The following AP3B2 variants were observed in gnomAD, a reference collection of about 807,000 sequenced individuals.
AP3B2 encodes adaptor related protein complex 3 subunit beta 2.
A neutral mutation model predicts 126.9 loss-of-function variants in AP3B2; 50 were observed. The observed-to-expected ratio is 0.39, with a 90% CI of 0.31 to 0.50. The LOEUF is 0.50. Among genes scored for constraint, AP3B2 ranks in the 20% least tolerant of loss-of-function variants. The pLI is 0.79. For missense variants in AP3B2, 1,177 were observed against 1,426.4 expected (o/e 0.83, Z 2.82); for synonymous variants, 541 against 565.0 (o/e 0.96, Z 0.60).
At chr15:82,688,323 G>C (rs2048465956) in intron 4 of AP3B2, 1 of 657,268 alleles carries the variant, frequency 1.5e-6, no homozygotes, top group Non-Finnish European at 2.8e-6. Context: ...CAAAAGGTGA[G>C]AATGGTGTGG....
Position 82,659,751 on chromosome 15 carries a change from G to A in AP3B2, c.3156-41C>T, listed in dbSNP as rs1392107374. ...AAGGGGTGAGGAAGAGCTGCTAAGGGTGACTGTGTTTGGAAGGGGATCAGC... is the reference window on the plus strand; with the variant it reads ...AAGGGGTGAGGAAGAGCTGCTAAGGATGACTGTGTTTGGAAGGGGATCAGC... On this transcript the variant is annotated intron_variant, in intron 26 of 26. Coordinates refer to ENST00000535359, the MANE Select transcript of AP3B2 (RefSeq NM_001278512.2). The A allele has an allele frequency of 6.2e-6, 10 of 1,611,234 alleles. No individual in the cohort carries two copies. In the East Asian group the frequency reaches 2.0e-4, roughly 32 times the overall value.
chr15:82,660,427 T>C (rs1247445628), intron 25 of AP3B2, among the ~76,000 whole-genome samples: 1 of 152,182 alleles, frequency 6.6e-6, no homozygotes, highest in Non-Finnish European at 1.5e-5. Flanking sequence ...CTGTGATCTC[T>C]CAGCCAGAAT....
Position 82,659,520 on chromosome 15 carries a change from A to G in AP3B2, c.*40T>C, listed in dbSNP as rs1276856109. 1 of 1,604,624 alleles carries G rather than the reference A, an allele frequency of 6.2e-7. No homozygotes were observed. Among genetic ancestry groups the G allele is most frequent in the Non-Finnish European group, 8.5e-7 (1 of 1,173,312 alleles). On this transcript the variant is annotated 3_prime_UTR_variant, in exon 27 of 27. Coordinates refer to ENST00000535359, the MANE Select transcript of AP3B2 (RefSeq NM_001278512.2). ...GACTGACAGCCTAGGTGTCATGGGG[A>G]GGTATAGATGGGAGCCAAACAGGTC... is the stretch of plus-strand genomic sequence containing the variant.
In AP3B2 at chr15:82,688,814, A is replaced by G. The variant is rs2151448850; in HGVS notation, c.282T>C (p.Tyr94=). 1.2e-6 allele frequency: 2 copies of G among 1,612,342 alleles called. No individual in the cohort carries two copies. The highest frequency in any genetic ancestry group is 1.1e-5 in the South Asian group (1 of 90,576). ...CCTCAGCGTAGCGTACCAGGTACAC[A>G]TAGACAAGCTTCTTCACCTTGGGGA... ...CKNIEVKKLV[Y]VYLVRYAEEQ... The change falls in exon 4 of 27, where the codon TAT becomes TAC. Residue 94 remains tyrosine (Y), a synonymous_variant. Coordinates refer to ENST00000535359, the MANE Select transcript of AP3B2 (RefSeq NM_001278512.2).
chr15:82,674,607 G>A (rs773896996), intron 14 of AP3B2, among the ~76,000 whole-genome samples: 164 of 152,198 alleles, frequency 1.1e-3, no homozygotes, highest in Non-Finnish European at 1.4e-3. Flanking sequence ...TTGGCTGTGA[G>A]TATCTGGAGA....
At chr15:82,692,544 G>A (rs1435696097) in intron 1 of AP3B2, 1 of 182,928 alleles carries the variant, frequency 5.5e-6, no homozygotes, top group Non-Finnish European at 1.1e-5. Flanking sequence ...GGGTGGGAAA[G>A]TATGGACCTG....
chr15:82,680,265 T>C lies in AP3B2; in HGVS notation c.1056-36A>G. On this transcript the variant is annotated intron_variant, in intron 8 of 26. Coordinates refer to ENST00000535359, the MANE Select transcript of AP3B2 (RefSeq NM_001278512.2). This position sits in a 1 kb window ranked among gnomAD's most constrained non-coding sequence, Gnocchi z 6.1. ...GACGGGTCAGAGCACCCCGGGCCCC[T>C]CGGTTGGGGCAAGGGTCAGCGGATG... 6.2e-7 allele frequency: 1 copy of C among 1,612,648 alleles called. No individual in the cohort carries two copies. The highest frequency in any genetic ancestry group is 8.5e-7 in the Non-Finnish European group (1 of 1,179,436).
intron 1 of AP3B2, chr15:82,691,968 C>T: frequency 7.0e-7 from 1 of 1,431,838 alleles, no homozygotes; most frequent in Non-Finnish European, 9.8e-7. Context: ...TTCTGCACAT[C>T]GGCATAACAG....
At position 82,663,898 on chromosome 15, in the gene AP3B2, T is replaced by C; in HGVS notation, c.2339A>G (p.Asp780Gly). 6.2e-7 allele frequency: 1 copy of C among 1,613,502 alleles called. No individual in the cohort carries two copies. The highest frequency in any genetic ancestry group is 8.5e-7 in the Non-Finnish European group (1 of 1,179,876). ...PERKGEASSSDEGSDSSSSSS... is the reference protein window; with the variant it reads ...PERKGEASSSGEGSDSSSSSS... ...GCTACTGCTGGAATCGCTGCCCTCATCAGAGGATGACGCTTCTCCTTTTCT... is the reference window on the plus strand; with the variant it reads ...GCTACTGCTGGAATCGCTGCCCTCACCAGAGGATGACGCTTCTCCTTTTCT... The change falls in exon 20 of 27, where the codon GAT becomes GGT. Residue 780 changes from aspartate (D) to glycine (G), a missense_variant. By Grantham distance (94) the Asp-to-Gly change is moderately conservative. This residue lies in a region of AP3B2 where 587 missense variants were observed against 571.3 expected (regional missense o/e 1.03). Transcript: ENST00000535359.
At chr15:82,697,645 CAA>C (rs2048650248) in intron 1 of AP3B2, among the ~76,000 whole-genome samples, 4 of 152,308 alleles carry the variant, frequency 2.6e-5, no homozygotes, top group African/African-American at 9.6e-5. Flanking sequence ...CTGTCTTTCC[CAA>C]AGAGATTTTT....
chr15:82,688,246 T>C, intron 4 of AP3B2: 1 of 587,048 alleles, frequency 1.7e-6, no homozygotes, highest in Non-Finnish European at 3.0e-6. Flanking sequence ...GAAAAGCCCT[T>C]AGGGGGGAGA....
rs777745101 is a variant in AP3B2 at position 82,689,192 on chromosome 15, G to A, written c.230C>T (p.Ala77Val). 14 of 1,613,990 alleles carry A rather than the reference G, an allele frequency of 8.7e-6. No individual in the cohort carries two copies. The highest frequency in any genetic ancestry group is 1.1e-5 in the Non-Finnish European group (13 of 1,179,890). Residue 77 changes from alanine to valine, a missense_variant, in exon 3 of 27, where the codon GCG becomes GTG. Coordinates refer to ENST00000535359, the MANE Select transcript of AP3B2 (RefSeq NM_001278512.2). ...CTTACAGGCCACGTTCTTCACCACCGCGGGAAACAGGTCTGAAGCATTCTT... is the reference window on the plus strand; with the variant it reads ...CTTACAGGCCACGTTCTTCACCACCACGGGAAACAGGTCTGAAGCATTCTT... The part of the protein sequence containing the change: ...RGKNASDLFP[A>V]VVKNVACKNI...
Position 82,666,867 on chromosome 15 carries a change from G to A in AP3B2, c.1732C>T (p.Arg578Trp), listed in dbSNP as rs140388339. The change falls in exon 15 of 27, where the codon CGG becomes TGG. Residue 578 changes from arginine to tryptophan, a missense_variant. This residue lies in a region of AP3B2 where 308 missense variants were observed against 452.4 expected (regional missense o/e 0.68). Transcript: ENST00000535359. ...ATGAGCTGCCGGGTGAAGCGCGCCC[G>A]GTCGCGAATATCATAGTTCTGGTCA... ...KYDQNYDIRD[R>W]ARFTRQLIVP... The A allele has an allele frequency of 4.3e-6, 7 of 1,613,900 alleles. No individual in the cohort carries two copies. The highest frequency in any genetic ancestry group is 2.2e-5 in the East Asian group (1 of 44,890).
chr15:82,687,414 T>C (rs1835297828), intron 4 of AP3B2: 2 of 152,206 alleles, frequency 1.3e-5, no homozygotes, highest in African/African-American at 2.4e-5. Context: ...TCTGGTTTTC[T>C]AAAAGGGGGA....
At position 82,665,220 on chromosome 15, in the gene AP3B2, A is replaced by G; in HGVS notation, c.2028+27T>C. The G allele has an allele frequency of 1.3e-6, 2 of 1,534,970 alleles. No homozygotes were observed. The highest frequency in any genetic ancestry group is 1.7e-6 in the Non-Finnish European group (2 of 1,145,060). On this transcript the variant is annotated intron_variant, in intron 17 of 26. Transcript: ENST00000535359. This position sits in a 1 kb window ranked among gnomAD's most constrained non-coding sequence, Gnocchi z 4.4. ...GAGGGACACAGACAGGGCAGGGGAG[A>G]GAGCACACGTCACACGAAGGTGGGA...
Position 82,688,805 on chromosome 15 carries a change from C to T in AP3B2, c.291G>A (p.Leu97=), listed in dbSNP as rs2048475376. ...CTTGCTGCTCCTCAGCGTAGCGTACCAGGTACACATAGACAAGCTTCTTCA... is the reference window on the plus strand; with the variant it reads ...CTTGCTGCTCCTCAGCGTAGCGTACTAGGTACACATAGACAAGCTTCTTCA... The part of the protein sequence containing the change: ...IEVKKLVYVY[L]VRYAEEQQDL... The change falls in exon 4 of 27, where the codon CTG becomes CTA. Residue 97 remains leucine (L), a synonymous_variant. Coordinates refer to ENST00000535359, the MANE Select transcript of AP3B2 (RefSeq NM_001278512.2). 7 of 1,612,796 alleles carry T rather than the reference C, an allele frequency of 4.3e-6. No homozygotes were observed. The highest frequency in any genetic ancestry group is 5.1e-6 in the Non-Finnish European group (6 of 1,179,458).
chr15:82,692,406 G>A, intron 1 of AP3B2: 2 of 471,130 alleles, frequency 4.2e-6, no homozygotes, highest in Non-Finnish European at 7.4e-6. Flanking sequence ...CAGCGTCCCC[G>A]CGGGCTCTGA....
chr15:82,691,652 G>C, intron 1 of AP3B2: 1 of 1,164,630 alleles, frequency 8.6e-7, no homozygotes, highest in Non-Finnish European at 1.1e-6. Flanking sequence ...TCCTCAATCT[G>C]GAATGCAGAT....
intron 1 of AP3B2, among the ~76,000 whole-genome samples, chr15:82,706,712 AC>A (rs1346577727): frequency 6.6e-6 from 1 of 152,182 alleles, no homozygotes; most frequent in African/African-American, 2.4e-5. Flanking sequence ...TTCTAGCCTC[AC>A]AGGCCCATTC....
Sources: allele counts gnomAD v4.1 joint callset (sites outside exome capture counted in the v4.1 genomes callset), GRCh38; gene constraint gnomAD v4.1.1; regional missense constraint gnomAD v4.1.1; non-coding constraint Gnocchi (gnomAD v3.1); transcripts MANE v1.5; gene names NCBI Gene and HGNC (gene_info 2026-07-23, HGNC 2026-07-21).